Variants in ADGRD1 observed in about 807,000 individuals in gnomAD.
The protein encoded by ADGRD1 is adhesion G protein-coupled receptor D1, also known as G-protein coupled receptor 133.
ADGRD1 carries 77 observed loss-of-function variants against 113.4 expected under a neutral mutation model. The ratio of observed to expected loss-of-function variants is 0.68; its 90% CI spans 0.57 to 0.82. ADGRD1 has a LOEUF of 0.82. Among genes scored for constraint, ADGRD1 ranks in the 40% least tolerant of loss-of-function variants. The pLI is 0.00. For synonymous variants in ADGRD1, 474 were observed against 475.0 expected (o/e 1.00, Z 0.03); for missense variants, 1,036 against 1,139.1 (o/e 0.91, Z 1.30).
At chr12:131,031,168 G>A (rs1195888) in intron 13 of ADGRD1, among the ~76,000 whole-genome samples, 1 of 151,970 alleles carries the variant, frequency 6.6e-6, no homozygotes, top group African/African-American at 2.4e-5. Flanking sequence ...TGCCTTGGGG[G>A]GTCCTGTCGA....
At chr12:131,128,754 G>T (rs1457542807) in intron 20 of ADGRD1, among the ~76,000 whole-genome samples, 4 of 152,024 alleles carry the variant, frequency 2.6e-5, no homozygotes, top group African/African-American at 9.7e-5. Flanking sequence ...AGTGTATGTG[G>T]GGTGTGGCTT....
Position 131,057,770 on chromosome 12 carries a change from T to C in ADGRD1, c.1474-19031T>C, listed in dbSNP as rs148377351. On this transcript the variant is annotated intron_variant, in intron 13 of 24. Transcript: ENST00000261654. This position sits in a 1 kb window ranked among gnomAD's most constrained non-coding sequence, Gnocchi z 4.2. ...ACATTCTGAGGGTTCTGGGGAGACA[T>C]GAATTTTGTGGGGAAACCGTTCAAC... Among the ~76,000 whole-genome samples the C allele has an allele frequency of 0.016, 2,481 of 152,222 alleles. 89 individuals are homozygous for C. Among genetic ancestry groups the C allele is most frequent in the East Asian group, 0.025 (128 of 5,170 alleles).
chr12:131,033,393 G>A (rs937383604), intron 13 of ADGRD1, among the ~76,000 whole-genome samples: 1 of 152,232 alleles, frequency 6.6e-6, no homozygotes, highest in African/African-American at 2.4e-5. Flanking sequence ...GCTCAGCACC[G>A]TCAGAGCCCT....
At chr12:131,131,697 T>C (rs747250397) in intron 20 of ADGRD1, 28 bp from the exon 21 acceptor site, 2 of 1,535,966 alleles carry the variant, frequency 1.3e-6, no homozygotes, top group African/African-American at 2.7e-5. Context: ...CAGGCCCCCC[T>C]CACCTTCCTC....
At chr12:130,992,905 A>C (rs1220188618) in intron 8 of ADGRD1, among the ~76,000 whole-genome samples, 1 of 152,132 alleles carries the variant, frequency 6.6e-6, no homozygotes, top group Non-Finnish European at 1.5e-5. Flanking sequence ...CAGAGGGTGG[A>C]TCGTGGGCTC....
intron 5 of ADGRD1, among the ~76,000 whole-genome samples, chr12:130,986,028 G>A (rs1474979651): frequency 6.6e-6 from 1 of 151,960 alleles, no homozygotes; most frequent in African/African-American, 2.4e-5. Context: ...CTATTCATCT[G>A]TTTTTTTCCA....
intron 13 of ADGRD1, among the ~76,000 whole-genome samples, chr12:131,059,599 A>G (rs1312035517): frequency 6.6e-6 from 1 of 152,224 alleles, no homozygotes; most frequent in East Asian, 1.9e-4. Context: ...AAATGCTTCA[A>G]AACTCCAAAT....
Position 131,136,127 on chromosome 12 carries a change from T to C in ADGRD1, c.2358T>C (p.Val786=). Residue 786 remains valine, a synonymous_variant, in exon 22 of 25, where the codon GTT becomes GTC. Coordinates refer to ENST00000261654, the MANE Select transcript of ADGRD1 (RefSeq NM_198827.5). ...TTGCTGTCAACGGTTGTGCTGTGGT[T>C]TTCCAGTACATGTTTGCCACGCTCA... The part of the protein sequence containing the change: ...GVLAVNGCAV[V]FQYMFATLNS... The C allele has an allele frequency of 6.2e-7, 1 of 1,614,182 alleles. No individual in the cohort carries two copies. The highest frequency in any genetic ancestry group is 8.5e-7 in the Non-Finnish European group (1 of 1,180,034).
chr12:131,054,359 A>G (rs1022583335), intron 13 of ADGRD1, among the ~76,000 whole-genome samples: 4 of 152,206 alleles, frequency 2.6e-5, no homozygotes, highest in Admixed American at 2.0e-4. Flanking sequence ...TGCATTTTCT[A>G]GAACTTTTGT....
chr12:131,132,126 G>A (rs529510621), intron 21 of ADGRD1, among the ~76,000 whole-genome samples: 1 of 152,310 alleles, frequency 6.6e-6, no homozygotes, highest in Non-Finnish European at 1.5e-5. Flanking sequence ...GAAGATTCTA[G>A]AGCCAGAAAG....
chr12:131,055,559 C>T (rs1450959510), intron 13 of ADGRD1, among the ~76,000 whole-genome samples: 1 of 152,114 alleles, frequency 6.6e-6, no homozygotes, highest in African/African-American at 2.4e-5. Flanking sequence ...AAAAGTTATC[C>T]TTTAATATGT....
At chr12:131,051,778 G>A (rs954043122) in intron 13 of ADGRD1, among the ~76,000 whole-genome samples, 2 of 152,146 alleles carry the variant, frequency 1.3e-5, no homozygotes, top group African/African-American at 2.4e-5. Flanking sequence ...GAGCTACCGC[G>A]CCCAGGCGAT....
chr12:131,032,703 CCACCCCATCACAGAGATGACGT>C (rs1257511114), intron 13 of ADGRD1, among the ~76,000 whole-genome samples: 83 of 137,980 alleles, frequency 6.0e-4, no homozygotes, highest in African/African-American at 2.2e-3. Flanking sequence ...AGAGAAATCG[CCACCCCATCACAGAGATGACGT>C]TTATTAGAGA....
chr12:131,038,251 C>G (rs1186966024), intron 13 of ADGRD1, among the ~76,000 whole-genome samples: 1 of 152,248 alleles, frequency 6.6e-6, no homozygotes, highest in African/African-American at 2.4e-5. Context: ...TGGACTTCCC[C>G]CATCCACATA....
At chr12:131,099,924 G>C (rs1476896512) in intron 15 of ADGRD1, among the ~76,000 whole-genome samples, 1 of 152,190 alleles carries the variant, frequency 6.6e-6, no homozygotes, top group Non-Finnish European at 1.5e-5. Context: ...ACATGATAAA[G>C]AGACTTGATT....
chr12:131,035,321 A>C (rs1881257244), intron 13 of ADGRD1: 2 of 152,356 alleles, frequency 1.3e-5, no homozygotes, highest in Non-Finnish European at 2.9e-5. Context: ...CTCTCCCAGC[A>C]GGTGGTGTGC....
At chr12:131,131,863 C>T (rs1191785552) in intron 21 of ADGRD1, 47 bp downstream of exon 21, 1 of 1,252,678 alleles carries the variant, frequency 8.0e-7, no homozygotes, top group East Asian at 2.3e-5. Flanking sequence ...CTTCTGCCCC[C>T]AGAGGATGCT....
At chr12:130,985,394 T>C (rs1187843132) in intron 5 of ADGRD1, among the ~76,000 whole-genome samples, 4 of 152,224 alleles carry the variant, frequency 2.6e-5, no homozygotes, top group Non-Finnish European at 4.4e-5. Flanking sequence ...ATTTCTTTCA[T>C]GGATTGTGCC....
At chr12:131,036,841 A>G (rs1418430888) in intron 13 of ADGRD1, among the ~76,000 whole-genome samples, 1 of 143,914 alleles carries the variant, frequency 6.9e-6, no homozygotes, top group Admixed American at 6.9e-5. Flanking sequence ...CCCAGGCCTT[A>G]CTGCATGGGG....
Sources: allele counts gnomAD v4.1 joint callset (sites outside exome capture counted in the v4.1 genomes callset), GRCh38; gene constraint gnomAD v4.1.1; non-coding constraint Gnocchi (gnomAD v3.1); transcripts MANE v1.5; gene names NCBI Gene and HGNC (gene_info 2026-07-23, HGNC 2026-07-21).